The following STX6 variants were observed in gnomAD, a reference collection of about 807,000 sequenced individuals.
The protein encoded by STX6 is syntaxin 6, also known as syntaxin-6.
A neutral mutation model predicts 38.0 loss-of-function variants in STX6; 23 were observed. The observed-to-expected ratio is 0.60, with a 90% confidence interval of 0.43 to 0.86. STX6 has a LOEUF of 0.86. STX6 is among the 40% of genes least tolerant of loss of function. STX6 has a pLI of 0.00. For missense variants in STX6, 274 were observed against 312.9 expected, an observed-to-expected ratio of 0.88 and a Z score of 0.94; for synonymous variants, 123 against 107.5, an observed-to-expected ratio of 1.14 and a Z score of -0.89.
intron 1 of STX6, among the ~76,000 whole-genome samples, chr1:181,021,137 A>C (rs762502121): frequency 1.3e-5 from 2 of 152,222 alleles, no homozygotes; most frequent in Non-Finnish European, 2.9e-5. Context: ...GCCAAGACAG[A>C]AGAATTTAGG....
Position 181,017,276 on chromosome 1 carries a change from C to A in STX6, c.35+5363G>T, listed in dbSNP as rs192404717. On this transcript the variant is annotated intron_variant, in intron 1 of 7. Coordinates refer to ENST00000258301, the MANE Select transcript of STX6 (RefSeq NM_005819.6). ...GGCGTGGTGGCGGGCACCTGTAGTCCCAGCTACTCAGGAGGCTGAGGCAGG... is the reference window on the plus strand; with the variant it reads ...GGCGTGGTGGCGGGCACCTGTAGTCACAGCTACTCAGGAGGCTGAGGCAGG... Among the ~76,000 whole-genome samples the A allele has an allele frequency of 3.6e-3, 550 of 150,980 alleles. 5 individuals are homozygous for A. Among genetic ancestry groups the A allele is most frequent in the African/African-American group, 0.013 (529 of 41,134 alleles).
Position 180,988,238 on chromosome 1 carries a change from C to T in STX6, c.596+1G>A. The T allele has an allele frequency of 1.9e-6, 3 of 1,612,424 alleles. No homozygotes were observed. Among genetic ancestry groups the T allele is most frequent in the Non-Finnish European group, 2.5e-6 (3 of 1,178,520 alleles). ...AGCGAGAGGGGTGTCTCAATACTCA[C>T]ACTGCCTGTTCCTCCAGCTCCCCTC... On this transcript the variant is annotated splice_donor_variant, in intron 6 of 7. Coordinates refer to ENST00000258301, the MANE Select transcript of STX6 (RefSeq NM_005819.6). LOFTEE classifies it high-confidence loss of function.
chr1:181,007,784 A>C (rs1329914034), intron 1 of STX6, among the ~76,000 whole-genome samples: 1 of 152,236 alleles, frequency 6.6e-6, no homozygotes, highest in African/African-American at 2.4e-5. Context: ...TCTATTTACT[A>C]TATTAGGAAT....
In STX6 at chr1:180,988,221, G is replaced by A. The variant is rs765366947; in HGVS notation, c.596+18C>T. 3.1e-5 allele frequency: 49 copies of A among 1,587,396 alleles called. No individual in the cohort carries two copies. Among genetic ancestry groups the A allele is most frequent in the Non-Finnish European group, 4.2e-5 (48 of 1,155,958 alleles). On this transcript the variant is annotated intron_variant, in intron 6 of 7. Coordinates refer to ENST00000258301, the MANE Select transcript of STX6 (RefSeq NM_005819.6). Reference sequence around the variant, plus strand: ...CCCCTCAATTTCACTGAAGCGAGAGGGGTGTCTCAATACTCACACTGCCTG... The same window carrying A: ...CCCCTCAATTTCACTGAAGCGAGAGAGGTGTCTCAATACTCACACTGCCTG...
At chr1:181,016,122 C>A (rs1320571901) in intron 1 of STX6, among the ~76,000 whole-genome samples, 2 of 152,072 alleles carry the variant, frequency 1.3e-5, no homozygotes, top group Non-Finnish European at 2.9e-5. Context: ...GTATTCAAAC[C>A]CTCTCCCACT....
intron 4 of STX6, among the ~76,000 whole-genome samples, chr1:180,992,160 C>T (rs1452981832): frequency 6.6e-6 from 1 of 151,940 alleles, no homozygotes; most frequent in Non-Finnish European, 1.5e-5. Flanking sequence ...TAGCTTCTTT[C>T]AAGAGAGGGA....
At chr1:181,004,574 A>G (rs551869549) in intron 2 of STX6, among the ~76,000 whole-genome samples, 1 of 152,350 alleles carries the variant, frequency 6.6e-6, no homozygotes, top group South Asian at 2.1e-4. Flanking sequence ...AGGTTCCTGG[A>G]GGCACCTGAA....
Position 181,016,787 on chromosome 1 carries a change from G to A in STX6, c.35+5852C>T, listed in dbSNP as rs555519839. Among the ~76,000 whole-genome samples the A allele has an allele frequency of 5.3e-5, 8 of 152,244 alleles. No homozygotes were observed. The South Asian group carries it at 6.2e-4, about 12-fold the overall frequency. On this transcript the variant is annotated intron_variant, in intron 1 of 7. Coordinates refer to ENST00000258301, the MANE Select transcript of STX6 (RefSeq NM_005819.6). Reference sequence around the variant, plus strand: ...ACATCAATCCACAGCCAAAAACCTGGAAATAAAACTGTTATCATGCTGGGT... The same window carrying A: ...ACATCAATCCACAGCCAAAAACCTGAAAATAAAACTGTTATCATGCTGGGT...
chr1:180,981,780 T>A (rs1655424547), intron 7 of STX6, among the ~76,000 whole-genome samples: 1 of 152,144 alleles, frequency 6.6e-6, no homozygotes, highest in Non-Finnish European at 1.5e-5. Context: ...CCAGCAGACT[T>A]CTCAGCACTT....
intron 2 of STX6, among the ~76,000 whole-genome samples, chr1:181,004,669 T>A (rs1270527024): frequency 1.3e-5 from 2 of 152,208 alleles, no homozygotes; most frequent in Non-Finnish European, 2.9e-5. Flanking sequence ...CTTTGTAATA[T>A]CCTTTACAAC....
intron 1 of STX6, among the ~76,000 whole-genome samples, chr1:181,011,327 G>GC (rs1303830960): frequency 6.6e-6 from 1 of 152,204 alleles, no homozygotes; most frequent in East Asian, 1.9e-4. Context: ...TCAATAGCAA[G>GC]CAAAGAGGTC....
At chr1:181,021,385 G>A (rs1283697045) in intron 1 of STX6, among the ~76,000 whole-genome samples, 1 of 152,012 alleles carries the variant, frequency 6.6e-6, no homozygotes, top group African/African-American at 2.4e-5. Context: ...ATTAGAGTAA[G>A]GTGAAGAAAA....
At position 180,997,545 on chromosome 1, in the gene STX6, C is replaced by T. The variant is rs141871562; in HGVS notation, c.301-4120G>A. 1.2e-3 allele frequency among the ~76,000 whole-genome samples: 184 copies of T among 152,216 alleles called. 3 individuals are homozygous for T. Among genetic ancestry groups the T allele is most frequent in the African/African-American group, 4.2e-3 (174 of 41,536 alleles). ...TGTAAAATACATGCCAGATTTATTA[C>T]AAAAACAGTTTAAAAAATTTAAATC... On this transcript the variant is annotated intron_variant, in intron 3 of 7. Transcript: ENST00000258301.
At chr1:180,998,174 G>A (rs1431790322) in intron 3 of STX6, among the ~76,000 whole-genome samples, 1 of 152,020 alleles carries the variant, frequency 6.6e-6, no homozygotes, top group Non-Finnish European at 1.5e-5. Context: ...AATTTTCTTT[G>A]AGCTTGCATT....
chr1:181,019,219 T>C (rs545473380), intron 1 of STX6, among the ~76,000 whole-genome samples: 4 of 152,284 alleles, frequency 2.6e-5, no homozygotes, highest in African/African-American at 4.8e-5. Flanking sequence ...CTAACACACA[T>C]TGCCCAACTT....
intron 1 of STX6, among the ~76,000 whole-genome samples, chr1:181,013,953 T>C (rs1486958915): frequency 1.3e-5 from 2 of 152,192 alleles, no homozygotes; most frequent in Non-Finnish European, 2.9e-5. Context: ...GAAGGTATAG[T>C]GGTTGTCTTT....
At chr1:181,005,249 T>A in intron 2 of STX6, 45 bp downstream of exon 2, 1 of 1,564,568 alleles carries the variant, frequency 6.4e-7, no homozygotes, top group Non-Finnish European at 8.7e-7. Context: ...ACTTGTCCAT[T>A]TGTCTATTTA....
chr1:180,977,219 C>T (rs1353749455), intron 7 of STX6, among the ~76,000 whole-genome samples: 1 of 152,228 alleles, frequency 6.6e-6, no homozygotes, highest in Non-Finnish European at 1.5e-5. Flanking sequence ...GTACCTTGTA[C>T]AGCTCCTCTG....
At chr1:181,009,360 T>G (rs1656328358) in intron 1 of STX6, among the ~76,000 whole-genome samples, 1 of 150,762 alleles carries the variant, frequency 6.6e-6, no homozygotes, top group South Asian at 2.1e-4. Context: ...TCCCAGCTAC[T>G]CAGGAGGCTG....
Sources: gnomAD v4.1 joint callset for allele counts (sites outside exome capture counted in the v4.1 genomes callset) on GRCh38, gnomAD v4.1.1 for gene constraint, MANE v1.5 for transcripts, NCBI Gene and HGNC (gene_info 2026-07-23, HGNC 2026-07-21) for gene names.